HACE1: variants seen among roughly 807,000 people sequenced by gnomAD.
The protein encoded by HACE1 is HECT domain and ankyrin repeat containing E3 ubiquitin protein ligase 1.
In HACE1, 73 loss-of-function variants were observed where a neutral mutation model predicts 118.4. The ratio of observed to expected loss-of-function variants is 0.62; its 90% CI spans 0.51 to 0.75. The LOEUF is 0.75. Among genes scored for constraint, HACE1 ranks in the 30% least tolerant of loss-of-function variants. HACE1 has a pLI of 0.00. For synonymous variants in HACE1, 368 were observed against 374.8 expected (o/e 0.98, Z 0.21); for missense variants, 749 against 1,102.2 (o/e 0.68, Z 4.54).
intron 12 of HACE1, among the ~76,000 whole-genome samples, 157 bp from the exon 13 acceptor site, chr6:104,784,642 G>A (rs926403926): frequency 2.6e-5 from 4 of 151,812 alleles, no homozygotes; most frequent in Non-Finnish European, 4.4e-5. Flanking sequence ...ACTGAAGTAT[G>A]CCTAGCCAAT....
At chr6:104,767,882 C>T (rs1047830577) in intron 19 of HACE1, among the ~76,000 whole-genome samples, 2 of 152,092 alleles carry the variant, frequency 1.3e-5, no homozygotes, top group African/African-American at 4.8e-5. Context: ...CTGATACCTG[C>T]CCCATCTTAC....
intron 6 of HACE1, among the ~76,000 whole-genome samples, chr6:104,817,231 T>C (rs1772215333): frequency 6.6e-6 from 1 of 152,048 alleles, no homozygotes; most frequent in Admixed American, 6.6e-5. Context: ...TGGAATGATA[T>C]GGTTTGGATT....
chr6:104,816,211 T>C (rs1772098045), intron 6 of HACE1, among the ~76,000 whole-genome samples: 1 of 152,212 alleles, frequency 6.6e-6, no homozygotes, highest in Non-Finnish European at 1.5e-5. Flanking sequence ...AGGAGCTGAA[T>C]GTTAATAACC....
intron 6 of HACE1, among the ~76,000 whole-genome samples, chr6:104,816,963 T>C (rs1772184362): frequency 1.3e-5 from 2 of 152,180 alleles, no homozygotes; most frequent in Non-Finnish European, 2.9e-5. Flanking sequence ...ATGGGGCCTG[T>C]AGCCTTTGTG....
chr6:104,784,977 T>C lies in HACE1; in HGVS notation c.1409+8A>G, dbSNP rs1782187783. ...GAAAAAAAAAATAATAAGCCAAAAC[T>C]TTCTTACCCCGGAGGCATCTGACAA... is the stretch of plus-strand genomic sequence containing the variant. On this transcript the variant is annotated splice_region_variant and intron_variant, in intron 12 of 23. Transcript: ENST00000262903. The C allele has an allele frequency of 6.3e-7, 1 of 1,596,542 alleles. No individual in the cohort carries two copies. The highest frequency in any genetic ancestry group is 1.1e-5 in the South Asian group (1 of 89,674).
At chr6:104,755,756 G>A (rs1554225133) in intron 19 of HACE1, among the ~76,000 whole-genome samples, 2 of 152,150 alleles carry the variant, frequency 1.3e-5, no homozygotes, top group Non-Finnish European at 2.9e-5. Flanking sequence ...CAATGTACCA[G>A]AATCTCTGGG....
intron 7 of HACE1, among the ~76,000 whole-genome samples, chr6:104,809,814 C>T (rs1221678281): frequency 2.0e-5 from 3 of 150,854 alleles, no homozygotes; most frequent in African/African-American, 2.4e-5. Flanking sequence ...GTTCAGATTC[C>T]GAACATATTC....
intron 7 of HACE1, among the ~76,000 whole-genome samples, chr6:104,800,363 G>A (rs1213389878): frequency 6.6e-6 from 1 of 152,146 alleles, no homozygotes; most frequent in Non-Finnish European, 1.5e-5. Flanking sequence ...GAGAGCAGTG[G>A]TTCTCCCACC....
chr6:104,770,788 G>A (rs1780514478), intron 19 of HACE1, among the ~76,000 whole-genome samples: 1 of 152,142 alleles, frequency 6.6e-6, no homozygotes, highest in African/African-American at 2.4e-5. Context: ...AAACTTACTG[G>A]ATCCCAAAAG....
intron 7 of HACE1, among the ~76,000 whole-genome samples, chr6:104,807,496 T>C (rs1309154124): frequency 1.3e-5 from 2 of 152,160 alleles, no homozygotes; most frequent in African/African-American, 2.4e-5. Flanking sequence ...CAACTCTAAC[T>C]AAACCTTGCT....
intron 14 of HACE1, among the ~76,000 whole-genome samples, chr6:104,778,445 A>G (rs1781421578): frequency 6.6e-6 from 1 of 152,110 alleles, no homozygotes; most frequent in Admixed American, 6.5e-5. Context: ...TCATGGTAGC[A>G]AAGAGGAACA....
intron 7 of HACE1, among the ~76,000 whole-genome samples, chr6:104,810,177 G>T (rs1002239580): frequency 6.6e-6 from 1 of 152,030 alleles, no homozygotes; most frequent in African/African-American, 2.4e-5. Context: ...GGACACTATG[G>T]AAAGAACTGG....
At chr6:104,806,171 C>G (rs1770973117) in intron 7 of HACE1, among the ~76,000 whole-genome samples, 2 of 152,250 alleles carry the variant, frequency 1.3e-5, no homozygotes, top group Middle Eastern at 3.4e-3. Flanking sequence ...ATTTCAAAAA[C>G]AGATTAAGGG....
At chr6:104,759,403 A>C (rs919552488) in intron 19 of HACE1, among the ~76,000 whole-genome samples, 4 of 152,222 alleles carry the variant, frequency 2.6e-5, no homozygotes, top group African/African-American at 9.6e-5. Context: ...ACTCACTCAA[A>C]ACTGCTCAAC....
At chr6:104,838,890 T>TAAAAAAAA (rs71003448) in intron 5 of HACE1, among the ~76,000 whole-genome samples, 1 of 58,856 alleles carries the variant, frequency 1.7e-5, no homozygotes. Context: ...AACTCCATAG[T>TAAAAAAAA]AAAAAAAAAA....
chr6:104,736,291 T>C (rs996020476), intron 22 of HACE1, among the ~76,000 whole-genome samples: 1 of 151,870 alleles, frequency 6.6e-6, no homozygotes, highest in Non-Finnish European at 1.5e-5. Context: ...TTTATTATTA[T>C]TATTATTTTT....
Position 104,729,695 on chromosome 6 carries a change from T to TA in HACE1, c.2696dup (p.His900ThrfsTer19), listed in dbSNP as rs1201484493. 1 of 1,573,690 alleles carries TA rather than the reference T, an allele frequency of 6.4e-7. No individual in the cohort carries two copies. The highest frequency in any genetic ancestry group is 8.7e-7 in the Non-Finnish European group (1 of 1,143,246). ...TTGTGTAACCATAGCTGCCACAATG[T>TA]AGTGCCACAAGAAGTCTGTCCTTGA... On this transcript the variant is annotated frameshift_variant, in exon 24 of 24. Transcript: ENST00000262903. LOFTEE classifies it high-confidence loss of function.
chr6:104,832,477 G>A (rs562990617), intron 6 of HACE1, among the ~76,000 whole-genome samples: 2 of 151,896 alleles, frequency 1.3e-5, no homozygotes, highest in Non-Finnish European at 2.9e-5. Context: ...CACTGCAACC[G>A]CTGACTGCTG....
At chr6:104,743,839 AAAT>A (rs1777110098) in intron 22 of HACE1, among the ~76,000 whole-genome samples, 1 of 85,320 alleles carries the variant, frequency 1.2e-5, no homozygotes, top group Non-Finnish European at 2.4e-5. Flanking sequence ...TAAAATATTA[AAAT>A]AATATACAAA....
Sources: allele counts gnomAD v4.1 joint callset (sites outside exome capture counted in the v4.1 genomes callset), GRCh38; gene constraint gnomAD v4.1.1; transcripts MANE v1.5; gene names NCBI Gene and HGNC (gene_info 2026-07-23, HGNC 2026-07-21).